Variants in SPAG9 observed in about 807,000 individuals in gnomAD.
SPAG9 encodes the protein sperm associated antigen 9.
Under a neutral mutation model 166.5 loss-of-function variants are expected in SPAG9, and 35 were observed. That is an observed-to-expected ratio of 0.21 (90% CI 0.16 to 0.28). SPAG9 has a LOEUF of 0.28. Among genes scored for constraint, SPAG9 ranks in the 10% least tolerant of loss-of-function variants. The pLI is 1.00. For missense variants in SPAG9, 1,235 were observed against 1,603.3 expected (o/e 0.77, Z 3.92); for synonymous variants, 534 against 565.5 (o/e 0.94, Z 0.79).
At chr17:51,081,442 C>G (rs757673628) in intron 1 of SPAG9, among the ~76,000 whole-genome samples, 86 of 151,724 alleles carry the variant, frequency 5.7e-4, no homozygotes, top group Non-Finnish European at 1.0e-3. Context: ...CAGAACAAGA[C>G]CCCCTCTCAA....
chr17:51,010,196 T>C (rs1265348079), intron 9 of SPAG9, among the ~76,000 whole-genome samples: 35 of 152,188 alleles, frequency 2.3e-4, no homozygotes, highest in Non-Finnish European at 4.4e-5. Flanking sequence ...CAATTTTATC[T>C]AGTTCTACAT....
At chr17:51,029,336 C>A (rs1807262716) in intron 6 of SPAG9, among the ~76,000 whole-genome samples, 1 of 152,160 alleles carries the variant, frequency 6.6e-6, no homozygotes, top group Admixed American at 6.5e-5. Flanking sequence ...GATGTGAATA[C>A]ATTAGACACT....
intron 5 of SPAG9, among the ~76,000 whole-genome samples, chr17:51,038,729 T>C (rs1289717400): frequency 6.6e-6 from 1 of 152,180 alleles, no homozygotes; most frequent in Non-Finnish European, 1.5e-5. Flanking sequence ...ATGAAAGTCA[T>C]CTTCCAGAGG....
intron 1 of SPAG9, among the ~76,000 whole-genome samples, chr17:51,107,475 AC>A (rs959857876): frequency 6.6e-6 from 1 of 152,146 alleles, no homozygotes; most frequent in African/African-American, 2.4e-5. Context: ...ACGGTGGCTC[AC>A]GCCTGTAATC....
At chr17:50,992,879 G>A (rs189906195) in intron 19 of SPAG9, among the ~76,000 whole-genome samples, 15 of 151,918 alleles carry the variant, frequency 9.9e-5, no homozygotes, top group Admixed American at 9.8e-4. Context: ...GGCAGATCAC[G>A]AGGTCTAGGA....
intron 12 of SPAG9, among the ~76,000 whole-genome samples, chr17:51,004,694 C>T (rs1444536134): frequency 1.3e-5 from 2 of 152,042 alleles, no homozygotes; most frequent in African/African-American, 2.4e-5. Flanking sequence ...CGCAGAACTG[C>T]ACTCCAGCCT....
chr17:51,022,986 G>C (rs1247755281), intron 6 of SPAG9, among the ~76,000 whole-genome samples: 1 of 125,320 alleles, frequency 8.0e-6, no homozygotes, highest in Non-Finnish European at 1.7e-5. Flanking sequence ...ATCAGGGTTA[G>C]GGTAAATTAA....
At chr17:50,989,025 T>G (rs1040358453) in intron 21 of SPAG9, among the ~76,000 whole-genome samples, 21 of 149,570 alleles carry the variant, frequency 1.4e-4, no homozygotes, top group African/African-American at 5.2e-4. Context: ...ACTTATAGAA[T>G]GGAAGACAGT....
At chr17:51,110,457 G>A (rs552366336) in intron 1 of SPAG9, among the ~76,000 whole-genome samples, 12 of 151,312 alleles carry the variant, frequency 7.9e-5, no homozygotes, top group African/African-American at 1.5e-4. Flanking sequence ...TTGGGAGGCC[G>A]AGGCAGGCAG....
chr17:50,976,979 G>A, intron 27 of SPAG9, 129 bp downstream of exon 27: 1 of 611,546 alleles, frequency 1.6e-6, no homozygotes, highest in Non-Finnish European at 2.9e-6. Context: ...GTTTCATTGA[G>A]TGAAGTAACT....
chr17:51,010,983 A>G (rs1440547838), intron 9 of SPAG9, among the ~76,000 whole-genome samples: 1 of 152,158 alleles, frequency 6.6e-6, no homozygotes, highest in Non-Finnish European at 1.5e-5. Context: ...GATACCTGAA[A>G]GACGAGCAAA....
At chr17:51,002,681 TG>T (rs1425869693) in intron 12 of SPAG9, among the ~76,000 whole-genome samples, 1 of 151,572 alleles carries the variant, frequency 6.6e-6, no homozygotes, top group African/African-American at 2.4e-5. Flanking sequence ...TTGCTTCAGC[TG>T]GGAGGTCAAG....
chr17:51,076,626 C>G (rs1281828094), intron 2 of SPAG9, among the ~76,000 whole-genome samples: 1 of 151,812 alleles, frequency 6.6e-6, no homozygotes, highest in Non-Finnish European at 1.5e-5. Flanking sequence ...GTCCCAGCTA[C>G]TTGGGAGGCT....
chr17:50,972,654 G>T (rs939731628), intron 28 of SPAG9, among the ~76,000 whole-genome samples: 2 of 152,228 alleles, frequency 1.3e-5, no homozygotes, highest in African/African-American at 4.8e-5. Flanking sequence ...CCAGGAGCTA[G>T]CTGGACAGCC....
In SPAG9 at chr17:50,986,579, T is replaced by C. The variant is rs187139788; in HGVS notation, c.2939+533A>G. Among the ~76,000 whole-genome samples, 65 of 152,334 alleles carry C rather than the reference T, an allele frequency of 4.3e-4. 1 individual carries two copies. Among genetic ancestry groups the C allele is most frequent in the Middle Eastern group, 6.8e-3 (2 of 294 alleles). On this transcript the variant is annotated intron_variant, in intron 22 of 29. Coordinates refer to ENST00000262013, the MANE Select transcript of SPAG9 (RefSeq NM_001130528.3). ...AGAGATGCTCAACAGTAATCTTGCT[T>C]AACCTTTGTAAATGCACAATTTTGT...
chr17:51,037,685 A>ATATAGTGT, intron 5 of SPAG9, among the ~76,000 whole-genome samples: 35 of 83,508 alleles, frequency 4.2e-4, no homozygotes, highest in Non-Finnish European at 6.5e-4. Flanking sequence ...ATATATATAT[A>ATATAGTGT]GTGTGTGTGT....
intron 25 of SPAG9, 96 bp downstream of exon 25, chr17:50,982,428 G>T: frequency 8.4e-7 from 1 of 1,196,494 alleles, no homozygotes. Context: ...CACAGATCCA[G>T]AAACAATTTC....
intron 2 of SPAG9, among the ~76,000 whole-genome samples, chr17:51,059,881 C>G (rs1351783443): frequency 2.0e-5 from 3 of 152,132 alleles, no homozygotes; most frequent in Non-Finnish European, 4.4e-5. Flanking sequence ...TAGGTTATTA[C>G]AATAATAATC....
At position 50,963,231 on chromosome 17, in the gene SPAG9, G is replaced by A. The variant is rs1443270053; in HGVS notation, c.*3041C>T. On this transcript the variant is annotated 3_prime_UTR_variant, in exon 30 of 30. Coordinates refer to ENST00000262013, the MANE Select transcript of SPAG9 (RefSeq NM_001130528.3). ...GGGGTACACTTTTTTTGTACAGTGA[G>A]ATCAACCCAAAGTACGCAAGCCTCT... 2.0e-5 allele frequency: 3 copies of A among 152,146 alleles called. No individual in the cohort carries two copies. The highest frequency in any genetic ancestry group is 7.2e-5 in the African/African-American group (3 of 41,440). The allele number at this position is 152,146 out of a possible 1,614,324, so 9.4% of individuals were successfully genotyped here. A position where few individuals can be genotyped will look rare whatever the true frequency, so the allele number is the denominator to read the frequency against.
Sources: allele counts gnomAD v4.1 joint callset (sites outside exome capture counted in the v4.1 genomes callset), GRCh38; gene constraint gnomAD v4.1.1; transcripts MANE v1.5; gene names NCBI Gene and HGNC (gene_info 2026-07-23, HGNC 2026-07-21).